Variants in TEP1 observed in about 807,000 individuals in gnomAD.
TEP1 encodes telomerase associated protein 1.
A neutral mutation model predicts 306.3 loss-of-function variants in TEP1; 241 were observed. That is an observed-to-expected ratio of 0.79 (90% confidence interval 0.71 to 0.88). The LOEUF (loss-of-function observed/expected upper bound fraction) is 0.88, where lower values mean the gene tolerates loss of function less well. Ranked by LOEUF, TEP1 falls within the 40% of genes least tolerant of loss-of-function variation. TEP1 has a pLI of 0.00. For synonymous variants in TEP1, 1,289 were observed against 1,305.5 expected (o/e 0.99, Z 0.27); for missense variants, 3,051 against 3,276.1 (o/e 0.93, Z 1.68).
chr14:20,369,443 T>C lies in TEP1; in HGVS notation c.7557A>G (p.Thr2519=), dbSNP rs777626989. The C allele has an allele frequency of 6.2e-7, 1 of 1,614,180 alleles. No individual in the cohort carries two copies. Among genetic ancestry groups the C allele is most frequent in the South Asian group, 1.1e-5 (1 of 91,082 alleles). The change falls in exon 53 of 55, where the codon ACA becomes ACG. Residue 2519 remains threonine (T), a synonymous_variant. Transcript: ENST00000262715. ...ANTPETQTPG[T]DPSTCRESDA... Reference sequence around the variant, plus strand: ...CAGATTCCCTGCAGGTAGATGGGTCTGTCCCTGGAGTTTGGGTTTCTGGAG... The same window carrying C: ...CAGATTCCCTGCAGGTAGATGGGTCCGTCCCTGGAGTTTGGGTTTCTGGAG...
chr14:20,369,734 T>C lies in TEP1; in HGVS notation c.7363A>G (p.Ile2455Val). ...GTCCTACTAGGATTCTCTAAGTTTA[T>C]ATCAAAGTTCAGCCTCTCTTCAAAC... ...GEFEERLNFD[I>V]NLENPSRTLI... The change falls in exon 52 of 55, where the codon ATA (isoleucine) becomes GTA (valine). Residue 2455 changes from isoleucine (I) to valine (V), a missense_variant. By Grantham distance (29) the Ile-to-Val change is conservative. Transcript: ENST00000262715. 1 of 1,614,220 alleles carries C rather than the reference T, an allele frequency of 6.2e-7. No individual in the cohort carries two copies. Among genetic ancestry groups the C allele is most frequent in the African/African-American group, 1.3e-5 (1 of 75,052 alleles).
chr14:20,396,801 C>CCTG, intron 9 of TEP1, 71 bp from the exon 10 acceptor site: 1 of 1,099,842 alleles, frequency 9.1e-7, no homozygotes, highest in Non-Finnish European at 1.3e-6. Context: ...CACCTATAAT[C>CCTG]TCAGCTACCA....
rs758583554 is a variant in TEP1 at position 20,381,725 on chromosome 14, G to C, written c.4425-39C>G. 1 of 1,555,660 alleles carries C rather than the reference G, an allele frequency of 6.4e-7. No individual in the cohort carries two copies. Among genetic ancestry groups the C allele is most frequent in the Non-Finnish European group, 8.7e-7 (1 of 1,153,906 alleles). On this transcript the variant is annotated intron_variant, in intron 30 of 54. Transcript: ENST00000262715. This position sits in a 1 kb window ranked among gnomAD's most constrained non-coding sequence, Gnocchi z 4.0. Reference sequence around the variant, plus strand: ...AGGAAGGGAGAGAGAAGAAGGAAGAGGCCTGTCAGTGAGCTTCCTGGCACA... The same window carrying C: ...AGGAAGGGAGAGAGAAGAAGGAAGACGCCTGTCAGTGAGCTTCCTGGCACA...
At chr14:20,392,540 T>C (rs1452981782) in intron 12 of TEP1, among the ~76,000 whole-genome samples, 3 of 152,210 alleles carry the variant, frequency 2.0e-5, no homozygotes, top group Non-Finnish European at 1.5e-5. Flanking sequence ...AAATCCAGAA[T>C]ATGGGATATT....
rs773090561 is a variant in TEP1 at position 20,386,086 on chromosome 14, G to T, written c.2971C>A (p.His991Asn). Residue 991 changes from histidine (H) to asparagine (N), a missense_variant, in exon 20 of 55, where the codon CAC becomes AAC. Around this residue, in one of 3 missense-constraint regions of TEP1, gnomAD observed 1,507 missense variants for 1,550.5 expected, o/e 0.97. Coordinates refer to ENST00000262715, the MANE Select transcript of TEP1 (RefSeq NM_007110.5). ...CCTGTCTGCCTTACCCAGTGGAAGT[G>T]TGGATGGTCAGGAAGGTTGTAGCTG... is the stretch of plus-strand genomic sequence containing the variant. ...PPSYNLPDHPHFHWAQQYPSG... is the reference protein window; with the variant it reads ...PPSYNLPDHPNFHWAQQYPSG... The T allele has an allele frequency of 6.2e-7, 1 of 1,610,176 alleles. No individual in the cohort carries two copies. Among genetic ancestry groups the T allele is most frequent in the Admixed American group, 1.7e-5 (1 of 59,072 alleles).
In TEP1 at chr14:20,386,108, GC is replaced by G; in HGVS notation, c.2948del (p.Ser983ThrfsTer22). 1.2e-6 allele frequency: 2 copies of G among 1,612,990 alleles called. No homozygotes were observed. Among genetic ancestry groups the G allele is most frequent in the Non-Finnish European group, 1.7e-6 (2 of 1,179,572 alleles). ...AGTGTGGATGGTCAGGAAGGTTGTA[GC>G]TGGGGGGAATGTATCCATAACGGGA... ...LGSRYGYIPP[S>X]YNLPDHPHFH... On this transcript the variant is annotated frameshift_variant, in exon 20 of 55. Coordinates refer to ENST00000262715, the MANE Select transcript of TEP1 (RefSeq NM_007110.5). LOFTEE classifies it high-confidence loss of function.
In TEP1 at chr14:20,384,505, G is replaced by T. The variant is rs199519079; in HGVS notation, c.3225C>A (p.Tyr1075Ter). Residue 1075 changes from tyrosine to a stop codon, truncating the protein, a stop_gained, in exon 23 of 55, where the codon TAC becomes TAA. Coordinates refer to ENST00000262715, the MANE Select transcript of TEP1 (RefSeq NM_007110.5). LOFTEE classifies it high-confidence loss of function. ...CTGCCACACCCCCCCACTCACAGGG[G>T]TATCTGTGGGCAAATCAAGCACAAC... ...SRQKGITCRRYPCEWGGVAAG... is the reference protein window; with the variant it reads ...SRQKGITCRR 6.2e-7 allele frequency: 1 copy of T among 1,614,084 alleles called. No homozygotes were observed. Among genetic ancestry groups the T allele is most frequent in the Non-Finnish European group, 8.5e-7 (1 of 1,180,020 alleles).
Position 20,380,591 on chromosome 14 carries a change from C to T in TEP1, c.4763-116G>A, listed in dbSNP as rs532194975. On this transcript the variant is annotated intron_variant, in intron 33 of 54. Transcript: ENST00000262715. The stretch of plus-strand genomic sequence containing the variant: ...TAAGTCTCAAAGTGTGGCCCTCTGG[C>T]CCTATATCAGGAATATCTCTTAAAA... 4 of 1,428,662 alleles carry T rather than the reference C, an allele frequency of 2.8e-6. No homozygotes were observed. The East Asian group carries it at 9.8e-5, about 35-fold the overall frequency. 88.5% of individuals were successfully genotyped at this position (1,428,662 alleles called of 1,614,324 possible).
rs1884839933 is a variant in TEP1, at chr14:20,371,527, T to C, written c.7182A>G (p.Leu2394=). The C allele has an allele frequency of 1.9e-6, 3 of 1,608,164 alleles. No homozygotes were observed. The South Asian group carries it at 3.3e-5, about 18-fold the overall frequency. ...GAGCATCCCCTGGCTTCATGCAAAG[T>C]AACTTCAAATCTGCTTTGGCCAAGA... ...FLILAKADLK[L]LCMKPGDAPS... The change falls in exon 50 of 55, where the codon TTA becomes TTG. Residue 2394 remains leucine, a synonymous_variant. Coordinates refer to ENST00000262715, the MANE Select transcript of TEP1 (RefSeq NM_007110.5).
rs757384219 is a variant in TEP1 at position 20,377,303 on chromosome 14, T to C, written c.6065A>G (p.Gln2022Arg). 2.6e-5 allele frequency: 42 copies of C among 1,613,212 alleles called. No homozygotes were observed. Among genetic ancestry groups the C allele is most frequent in the Non-Finnish European group, 3.4e-5 (40 of 1,179,408 alleles). ...ACCTGAGGCAGAAGCCAAGAGCTCC[T>C]GGGAAGTGGCCAGTCCTAGCACAGG... ...QKPVLGLATS[Q>R]ELLASASEDF... The change falls in exon 41 of 55, where the codon CAG becomes CGG. Residue 2022 changes from glutamine (Q) to arginine (R), a missense_variant. This residue lies in a region of TEP1 where 1,540 missense variants were observed against 1,705.9 expected (regional missense o/e 0.90). Transcript: ENST00000262715.
intron 18 of TEP1, among the ~76,000 whole-genome samples, chr14:20,387,337 G>A (rs1203394807): frequency 2.0e-5 from 3 of 149,154 alleles, no homozygotes; most frequent in Non-Finnish European, 3.0e-5. Context: ...ACCTGAGGTC[G>A]GGAGTTCAAG....
intron 16 of TEP1, 102 bp from the exon 17 acceptor site, chr14:20,389,399 A>G: frequency 6.8e-7 from 1 of 1,474,098 alleles, no homozygotes; most frequent in Non-Finnish European, 9.5e-7. Flanking sequence ...CTGCACCTTT[A>G]ATAGGGTTAT....
Position 20,378,024 on chromosome 14 carries a change from C to T in TEP1, c.5721G>A (p.Lys1907=), listed in dbSNP as rs1485579242. The change falls in exon 39 of 55, where the codon AAG becomes AAA. Residue 1907 remains lysine (K), a splice_region_variant and synonymous_variant. Transcript: ENST00000262715. ...CQLLTAGEDG[K]VQVWSGSLGR... ...CACCACCAGCCCTCTGCAAGCTGAC[C>T]TTGCCATCCTCTCCAGCCGTCAGTA... The T allele has an allele frequency of 4.3e-6, 7 of 1,613,072 alleles. No homozygotes were observed. Among genetic ancestry groups the T allele is most frequent in the Non-Finnish European group, 5.9e-6 (7 of 1,180,028 alleles).
At position 20,391,138 on chromosome 14, in the gene TEP1, T is replaced by C. The variant is rs74518626; in HGVS notation, c.2098-42A>G. On this transcript the variant is annotated intron_variant, in intron 13 of 54. Coordinates refer to ENST00000262715, the MANE Select transcript of TEP1 (RefSeq NM_007110.5). Reference sequence around the variant, plus strand: ...CAGGGGAAATAAAGCTCCCCTGCTTTGGAATTCACCCTTGCCCAGCCAGCC... The same window carrying C: ...CAGGGGAAATAAAGCTCCCCTGCTTCGGAATTCACCCTTGCCCAGCCAGCC... The C allele has an allele frequency of 3.3e-3, 5,324 of 1,603,046 alleles. 123 individuals are homozygous for C. The African/African-American group carries it at 0.056, about 17-fold the overall frequency.
rs1450018033 is a variant in TEP1 at position 20,380,468 on chromosome 14, T to C, written c.4770A>G (p.Ser1590=). Reference sequence around the variant, plus strand: ...GGAGCTTTTGTTCCTCTTTGGGGACTGAAGAAGCTATAAAAGGGTGGCAGA... The same window carrying C: ...GGAGCTTTTGTTCCTCTTTGGGGACCGAAGAAGCTATAAAAGGGTGGCAGA... ...LLEAHALYAS[S]VPKEEQKLPE... Residue 1590 remains serine, a synonymous_variant, in exon 34 of 55, where the codon TCA becomes TCG. Transcript: ENST00000262715. The C allele has an allele frequency of 1.2e-6, 2 of 1,611,874 alleles. No homozygotes were observed. Among genetic ancestry groups the C allele is most frequent in the African/African-American group, 1.3e-5 (1 of 74,870 alleles).
intron 4 of TEP1, 92 bp downstream of exon 4, chr14:20,405,359 A>G: frequency 7.6e-7 from 1 of 1,322,568 alleles, no homozygotes; most frequent in Non-Finnish European, 1.0e-6. Context: ...CCCACCCCCA[A>G]CATGAAGCTA....
Position 20,384,511 on chromosome 14 carries a change from G to A in TEP1, c.3222-3C>T. 6.2e-7 allele frequency: 1 copy of A among 1,614,096 alleles called. No individual in the cohort carries two copies. ...CACCCCCCCACTCACAGGGGTATCT[G>A]TGGGCAAATCAAGCACAACCAGGTC... On this transcript the variant is annotated splice_region_variant and splice_polypyrimidine_tract_variant and intron_variant, in intron 22 of 54. Coordinates refer to ENST00000262715, the MANE Select transcript of TEP1 (RefSeq NM_007110.5).
At position 20,369,687 on chromosome 14, in the gene TEP1, G is replaced by A. The variant is rs745374474; in HGVS notation, c.7410C>T (p.Ala2470=). Residue 2470 remains alanine (A), a synonymous_variant, in exon 52 of 55, where the codon GCC becomes GCT. Transcript: ENST00000262715. ...GTTACCACTCACCAGATTCAGGTTTGGCTTGAGTTATCGATATTAGGGTCC... is the reference window on the plus strand; with the variant it reads ...GTTACCACTCACCAGATTCAGGTTTAGCTTGAGTTATCGATATTAGGGTCC... ...PSRTLISITQ[A]KPESESSFLC... The A allele has an allele frequency of 1.2e-6, 2 of 1,614,056 alleles. No individual in the cohort carries two copies. The highest frequency in any genetic ancestry group is 1.3e-5 in the African/African-American group (1 of 75,016).
rs896982926 is a variant in TEP1, at chr14:20,369,914, G to T, written c.7318-135C>A. 8.4e-4 allele frequency: 481 copies of T among 575,472 alleles called. 4 individuals carry two copies. The highest frequency in any genetic ancestry group is 2.8e-3 in the Middle Eastern group (6 of 2,116). The allele number at this position is 575,472 out of a possible 1,614,324, so 35.6% of individuals were successfully genotyped here. The stretch of plus-strand genomic sequence containing the variant: ...CTACAACTTAGATACAATCAAGTGC[G>T]CAAATTTTTTTTTTTTTGAGACGGA... On this transcript the variant is annotated intron_variant, in intron 51 of 54. Coordinates refer to ENST00000262715, the MANE Select transcript of TEP1 (RefSeq NM_007110.5).
Sources: gnomAD v4.1 joint callset for allele counts (sites outside exome capture counted in the v4.1 genomes callset) on GRCh38, gnomAD v4.1.1 for gene constraint, gnomAD v4.1.1 regional missense constraint, Gnocchi (gnomAD v3.1) non-coding constraint, MANE v1.5 for transcripts, NCBI Gene and HGNC (gene_info 2026-07-23, HGNC 2026-07-21) for gene names.